TRPC4AP: variants seen among roughly 807,000 people sequenced by gnomAD.
TRPC4AP encodes the protein transient receptor potential cation channel subfamily C member 4 associated protein.
In TRPC4AP, 45 loss-of-function variants were observed where a neutral mutation model predicts 99.0. The ratio of observed to expected loss-of-function variants is 0.45; its 90% confidence interval spans 0.36 to 0.58. The LOEUF (loss-of-function observed/expected upper bound fraction) is 0.58, where lower values mean the gene tolerates loss of function less well. Among genes scored for constraint, TRPC4AP ranks in the 20% least tolerant of loss-of-function variants. TRPC4AP has a pLI of 0.00. For synonymous variants in TRPC4AP, 408 were observed against 385.8 expected (o/e 1.06, Z -0.67); for missense variants, 879 against 985.3 (o/e 0.89, Z 1.44).
At chr20:35,087,487 T>C (rs1200886473) in intron 1 of TRPC4AP, among the ~76,000 whole-genome samples, 2 of 152,102 alleles carry the variant, frequency 1.3e-5, no homozygotes, top group Admixed American at 6.6e-5. Context: ...TGTCACCAGA[T>C]TGCCAAACTG....
chr20:35,077,521 G>A (rs182660003), intron 2 of TRPC4AP, among the ~76,000 whole-genome samples: 72 of 152,184 alleles, frequency 4.7e-4, no homozygotes, highest in African/African-American at 1.7e-3. Flanking sequence ...GTGGGGCCCA[G>A]AACTCTGTGT....
chr20:35,036,289 A>T (rs1470152391), intron 7 of TRPC4AP, among the ~76,000 whole-genome samples: 1 of 152,254 alleles, frequency 6.6e-6, no homozygotes, highest in Non-Finnish European at 1.5e-5. Flanking sequence ...AGCCAAGAGC[A>T]GTGGCTGCCA....
chr20:35,076,964 T>C (rs1392366307), intron 2 of TRPC4AP, among the ~76,000 whole-genome samples: 3 of 152,186 alleles, frequency 2.0e-5, no homozygotes, highest in Non-Finnish European at 4.4e-5. Flanking sequence ...TCAGCAGTTG[T>C]GGACACCCCT....
Position 35,003,040 on chromosome 20 carries a change from G to A in TRPC4AP, c.*106C>T, listed in dbSNP as rs1287720853. On this transcript the variant is annotated 3_prime_UTR_variant, in exon 19 of 19. Transcript: ENST00000252015. Reference sequence around the variant, plus strand: ...ACCAAGCCTGTACCCAAAGACCTGGGGCAGGCAGAGAGCAGCAGGGAGGAA... The same window carrying A: ...ACCAAGCCTGTACCCAAAGACCTGGAGCAGGCAGAGAGCAGCAGGGAGGAA... The A allele has an allele frequency of 6.7e-7, 1 of 1,491,456 alleles. No individual in the cohort carries two copies. The highest frequency in any genetic ancestry group is 1.4e-5 in the African/African-American group (1 of 72,460). The allele number at this position is 1,491,456 out of a possible 1,614,324, so 92.4% of individuals were successfully genotyped here. A position where few individuals can be genotyped will look rare whatever the true frequency, so the allele number is the denominator to read the frequency against.
chr20:35,047,034 A>C (rs2083575103), intron 6 of TRPC4AP, among the ~76,000 whole-genome samples: 1 of 151,936 alleles, frequency 6.6e-6, no homozygotes, highest in African/African-American at 2.4e-5. Flanking sequence ...ATGCTGGGCT[A>C]ATTTTTATAT....
In TRPC4AP at chr20:35,021,176, GGA is replaced by G. The variant is rs754794274; in HGVS notation, c.1218+12_1218+13del. ...CCTGCTCCCCGTGTCCTGAGACGCT[GGA>G]GAGGGGCCCACCTGGTTTCGCTGAC... On this transcript the variant is annotated intron_variant, in intron 9 of 18. Coordinates refer to ENST00000252015, the MANE Select transcript of TRPC4AP (RefSeq NM_015638.3). The G allele has an allele frequency of 6.2e-7, 1 of 1,607,336 alleles. No individual in the cohort carries two copies. Among genetic ancestry groups the G allele is most frequent in the Non-Finnish European group, 8.5e-7 (1 of 1,175,298 alleles).
chr20:35,065,575 GC>G (rs2084121736), intron 3 of TRPC4AP, among the ~76,000 whole-genome samples: 1 of 152,174 alleles, frequency 6.6e-6, no homozygotes, highest in South Asian at 2.1e-4. Flanking sequence ...ACTACCAGCA[GC>G]AGGACAGCAA....
chr20:35,034,576 T>C (rs2083274966), intron 8 of TRPC4AP, among the ~76,000 whole-genome samples: 1 of 151,930 alleles, frequency 6.6e-6, no homozygotes. Context: ...ACCTATTCCT[T>C]GTTTGGGAGC....
intron 1 of TRPC4AP, among the ~76,000 whole-genome samples, chr20:35,082,475 G>A (rs1417340859): frequency 6.6e-6 from 1 of 151,970 alleles, no homozygotes; most frequent in East Asian, 1.9e-4. Context: ...AAAATGCATG[G>A]GTCAAAGAAG....
chr20:35,054,209 A>G (rs942333208), intron 5 of TRPC4AP, among the ~76,000 whole-genome samples: 3 of 149,024 alleles, frequency 2.0e-5, no homozygotes, highest in Non-Finnish European at 4.4e-5. Context: ...TTTTATTTCC[A>G]CAGCATACAG....
intron 2 of TRPC4AP, 72 bp downstream of exon 2, chr20:35,077,972 GAA>G: frequency 3.1e-6 from 4 of 1,307,738 alleles, no homozygotes; most frequent in South Asian, 1.5e-5. Flanking sequence ...CAACGGAAGG[GAA>G]AAAAAAAACA....
At chr20:35,024,854 A>AACAAAAAAAAAACAT (rs1479270980) in intron 8 of TRPC4AP, among the ~76,000 whole-genome samples, 2 of 89,480 alleles carry the variant, frequency 2.2e-5, no homozygotes, top group Non-Finnish European at 4.6e-5. Context: ...AAAAAAAAAA[A>AACAAAAAAAAAACAT]ATTCTGTTTA....
intron 1 of TRPC4AP, among the ~76,000 whole-genome samples, chr20:35,085,752 T>C (rs2084824659): frequency 6.6e-6 from 1 of 152,194 alleles, no homozygotes; most frequent in South Asian, 2.1e-4. Flanking sequence ...ACTTGTGGTT[T>C]AACAGTTTAC....
intron 3 of TRPC4AP, among the ~76,000 whole-genome samples, chr20:35,060,495 A>G (rs1190556510): frequency 6.8e-6 from 1 of 147,790 alleles, no homozygotes; most frequent in Non-Finnish European, 1.5e-5. Context: ...GGAGGCCGAG[A>G]TAGGAGGCTC....
intron 3 of TRPC4AP, among the ~76,000 whole-genome samples, chr20:35,061,504 T>TA (rs1391132820): frequency 6.6e-6 from 1 of 152,166 alleles, no homozygotes; most frequent in Admixed American, 6.5e-5. Flanking sequence ...CATGCAAATA[T>TA]AAGGGATGCA....
chr20:35,087,616 G>A (rs1225704799), intron 1 of TRPC4AP, among the ~76,000 whole-genome samples: 4 of 152,084 alleles, frequency 2.6e-5, no homozygotes, highest in African/African-American at 7.2e-5. Context: ...GGCCTTGTAC[G>A]CCCATGGTAA....
intron 6 of TRPC4AP, 74 bp downstream of exon 6, chr20:35,049,792 A>G (rs2083651967): frequency 1.2e-5 from 18 of 1,498,048 alleles, no homozygotes; most frequent in Non-Finnish European, 1.3e-5. Flanking sequence ...AAAGCTCTGT[A>G]TATTATTCAG....
intron 1 of TRPC4AP, among the ~76,000 whole-genome samples, chr20:35,085,558 GT>G (rs1202606864): frequency 2.0e-5 from 3 of 146,782 alleles, no homozygotes; most frequent in Non-Finnish European, 4.5e-5. Flanking sequence ...GGTTTCAGTA[GT>G]TTTTTTTCAC....
chr20:35,037,709 C>T (rs2083353078), intron 7 of TRPC4AP, among the ~76,000 whole-genome samples: 1 of 152,186 alleles, frequency 6.6e-6, no homozygotes, highest in South Asian at 2.1e-4. Flanking sequence ...TGCATTAACG[C>T]TGTTGCGGTC....
Sources: allele counts gnomAD v4.1 joint callset (sites outside exome capture counted in the v4.1 genomes callset), GRCh38; gene constraint gnomAD v4.1.1; transcripts MANE v1.5; gene names NCBI Gene and HGNC (gene_info 2026-07-23, HGNC 2026-07-21).